Variants in ATF7 observed in about 807,000 individuals in gnomAD.
ATF7 encodes cyclic AMP-dependent transcription factor ATF-7.
ATF7 carries 10 observed loss-of-function variants against 50.4 expected under a neutral mutation model. The ratio of observed to expected loss-of-function variants is 0.20; its 90% CI spans 0.12 to 0.34. The LOEUF (loss-of-function observed/expected upper bound fraction) is 0.34. Among genes scored for constraint, ATF7 ranks in the 10% least tolerant of loss-of-function variants. ATF7 has a pLI of 1.00. For synonymous variants in ATF7, 201 were observed against 226.4 expected, an observed-to-expected ratio of 0.89 and a Z score of 1.01; for missense variants, 465 against 613.9, an observed-to-expected ratio of 0.76 and a Z score of 2.56.
In ATF7 at chr12:53,529,828, C is replaced by A. The variant is rs1023074621; in HGVS notation, c.927+1916G>T. Among the ~76,000 whole-genome samples, 3 of 150,812 alleles carry A rather than the reference C, an allele frequency of 2.0e-5. No homozygotes were observed. In the East Asian group the frequency reaches 5.9e-4, roughly 30 times the overall value. ...CGATCTCGGCTCACTGCAGCCTCCA[C>A]CTCCCAGGCTCAAGCAATTCTTCTG... On this transcript the variant is annotated intron_variant, in intron 9 of 11. Transcript: ENST00000420353.
intron 2 of ATF7, among the ~76,000 whole-genome samples, chr12:53,585,534 A>G (rs1942638522): frequency 6.6e-6 from 1 of 152,212 alleles, no homozygotes; most frequent in African/African-American, 2.4e-5. Context: ...TTTAAAAAAA[A>G]GCAAAGGAAG....
chr12:53,523,439 C>T (rs1458818755), intron 10 of ATF7, 55 bp from the exon 11 acceptor site: 3 of 1,263,024 alleles, frequency 2.4e-6, no homozygotes, highest in Non-Finnish European at 3.5e-6. Context: ...TACTCTTGCA[C>T]CCTCAGTGGC....
intron 2 of ATF7, among the ~76,000 whole-genome samples, chr12:53,571,084 C>A (rs80240945): frequency 0.07 from 10,669 of 152,110 alleles, 566 homozygotes; most frequent in East Asian, 0.22. Flanking sequence ...AAGCGTCCTT[C>A]TAAGACAGCA....
At chr12:53,613,119 G>A (rs1943971485) in intron 1 of ATF7, among the ~76,000 whole-genome samples, 1 of 152,188 alleles carries the variant, frequency 6.6e-6, no homozygotes, top group Non-Finnish European at 1.5e-5. Flanking sequence ...CACAGATGTG[G>A]TTTCAAATTC....
rs1944198486 is a variant in ATF7, at chr12:53,513,607, A to G, written c.*3530T>C. 1.3e-5 allele frequency: 2 copies of G among 152,132 alleles called. No homozygotes were observed. Among genetic ancestry groups the G allele is most frequent in the Non-Finnish European group, 2.9e-5 (2 of 68,008 alleles). 9.4% of individuals were successfully genotyped at this position (152,132 alleles called of 1,614,324 possible). On this transcript the variant is annotated 3_prime_UTR_variant, in exon 12 of 12. Coordinates refer to ENST00000420353, the MANE Select transcript of ATF7 (RefSeq NM_006856.3). ...TTATGAAATTTAAAAAAAATAATGTATTTCCTTCCTGTGTATATAATGTAC... is the reference window on the plus strand; with the variant it reads ...TTATGAAATTTAAAAAAAATAATGTGTTTCCTTCCTGTGTATATAATGTAC...
chr12:53,587,843 A>ATTTTTT (rs201692852), intron 2 of ATF7, among the ~76,000 whole-genome samples: 10 of 61,556 alleles, frequency 1.6e-4, no homozygotes, highest in South Asian at 7.4e-4. Flanking sequence ...ATATATATAT[A>ATTTTTT]TTTTTTTTTT....
intron 3 of ATF7, among the ~76,000 whole-genome samples, chr12:53,544,763 A>G (rs1216497083): frequency 6.6e-6 from 1 of 152,048 alleles, no homozygotes; most frequent in African/African-American, 2.4e-5. Flanking sequence ...AAACAAACAA[A>G]AAAACCCAAA....
intron 1 of ATF7, among the ~76,000 whole-genome samples, chr12:53,612,224 C>T (rs138384417): frequency 9.0e-4 from 137 of 152,156 alleles, no homozygotes; most frequent in African/African-American, 3.0e-3. Context: ...GATCCTCCTG[C>T]CTTGACCTCC....
intron 8 of ATF7, among the ~76,000 whole-genome samples, chr12:53,532,190 C>T (rs1009818092): frequency 5.3e-5 from 8 of 152,180 alleles, no homozygotes; most frequent in South Asian, 2.1e-4. Flanking sequence ...ATGCTGGTTA[C>T]GCAGCTATTC....
chr12:53,593,975 G>C (rs2137785205), intron 2 of ATF7, among the ~76,000 whole-genome samples: 1 of 152,392 alleles, frequency 6.6e-6, no homozygotes, highest in South Asian at 2.1e-4. Context: ...ACGCTAACCA[G>C]AGAGAGGGAG....
intron 2 of ATF7, among the ~76,000 whole-genome samples, chr12:53,594,054 T>C (rs1169961300): frequency 6.6e-6 from 1 of 152,256 alleles, no homozygotes; most frequent in Non-Finnish European, 1.5e-5. Flanking sequence ...AGGAATTCTA[T>C]ATAATGACAA....
chr12:53,605,117 G>A (rs1204766461), intron 1 of ATF7, among the ~76,000 whole-genome samples: 3 of 152,124 alleles, frequency 2.0e-5, no homozygotes, highest in Admixed American at 6.5e-5. Context: ...AGCCAGGCAC[G>A]GTGGTTCATG....
At chr12:53,573,582 C>A (rs1427129215) in intron 2 of ATF7, among the ~76,000 whole-genome samples, 1 of 151,826 alleles carries the variant, frequency 6.6e-6, no homozygotes, top group Admixed American at 6.6e-5. Flanking sequence ...GGATGAGAAA[C>A]CCATGGATAC....
At chr12:53,598,628 C>T (rs1168304238) in intron 2 of ATF7, among the ~76,000 whole-genome samples, 1 of 152,138 alleles carries the variant, frequency 6.6e-6, no homozygotes, top group African/African-American at 2.4e-5. Context: ...CAAAACACAG[C>T]AAAACAAAAA....
At chr12:53,548,711 G>A (rs966121354) in intron 3 of ATF7, among the ~76,000 whole-genome samples, 16 of 152,182 alleles carry the variant, frequency 1.1e-4, no homozygotes, top group Non-Finnish European at 2.1e-4. Flanking sequence ...TACTTTGCTG[G>A]GCATGGTGGC....
chr12:53,544,927 C>A (rs1939802910), intron 3 of ATF7, among the ~76,000 whole-genome samples: 1 of 152,112 alleles, frequency 6.6e-6, no homozygotes, highest in Non-Finnish European at 1.5e-5. Flanking sequence ...TTAAAAGGTA[C>A]TCTGGCAGCT....
intron 6 of ATF7, among the ~76,000 whole-genome samples, chr12:53,533,583 C>A (rs1025241321): frequency 6.6e-6 from 1 of 152,180 alleles, no homozygotes; most frequent in Admixed American, 6.6e-5. Flanking sequence ...GGATCAAAGT[C>A]GTCATTTTGC....
chr12:53,587,843 A>ATATATATATATATATATTTT, intron 2 of ATF7, among the ~76,000 whole-genome samples: 16 of 61,558 alleles, frequency 2.6e-4, no homozygotes, highest in Non-Finnish European at 3.4e-4. Context: ...ATATATATAT[A>ATATATATATATATATATTTT]TTTTTTTTTT....
intron 9 of ATF7, among the ~76,000 whole-genome samples, chr12:53,529,120 C>A (rs999287465): frequency 6.6e-6 from 1 of 152,092 alleles, no homozygotes; most frequent in Admixed American, 6.6e-5. Context: ...ACATGCTTTA[C>A]CATGTTCAGG....
Sources: gnomAD v4.1 joint callset for allele counts (sites outside exome capture counted in the v4.1 genomes callset) on GRCh38, gnomAD v4.1.1 for gene constraint, MANE v1.5 for transcripts, NCBI Gene and HGNC (gene_info 2026-07-23, HGNC 2026-07-21) for gene names.